Variants in GLB1 observed in about 807,000 individuals in gnomAD.
GLB1 encodes beta-galactosidase.
A neutral mutation model predicts 74.0 loss-of-function variants in GLB1; 56 were observed. The ratio of observed to expected loss-of-function variants is 0.76; its 90% CI spans 0.61 to 0.94. GLB1 has a LOEUF of 0.94. GLB1 is among the 40% of genes least tolerant of loss of function. The probability of loss-of-function intolerance (pLI) is 0.00; values close to 1 mark genes in which losing one functional copy is unlikely to be tolerated. For missense variants in GLB1, 787 were observed against 845.5 expected, an observed-to-expected ratio of 0.93 and a Z score of 0.86; for synonymous variants, 323 against 323.6, an observed-to-expected ratio of 1.00 and a Z score of 0.02.
intron 1 of GLB1, chr3:33,090,655 G>C: frequency 2.0e-6 from 2 of 985,396 alleles, no homozygotes; most frequent in Non-Finnish European, 2.4e-6. Context: ...TTGAACAAAG[G>C]GACTAAAGGT....
At chr3:33,057,301 T>C (rs1699260753) in intron 6 of GLB1, among the ~76,000 whole-genome samples, 1 of 152,356 alleles carries the variant, frequency 6.6e-6, no homozygotes, top group East Asian at 1.9e-4. Flanking sequence ...AGGCTTCCTA[T>C]ACAGCCTGTG....
the GLB1 span, among the ~76,000 whole-genome samples, chr3:32,984,315 G>A: frequency 0.027 from 4,076 of 152,036 alleles, 164 homozygotes; most frequent in African/African-American, 0.091. Context: ...GCTCAGGGGG[G>A]AATTCAAGGG....
chr3:33,069,963 T>TCCACCCTCCACCCA, intron 2 of GLB1, among the ~76,000 whole-genome samples: 1 of 134,606 alleles, frequency 7.4e-6, no homozygotes, highest in East Asian at 2.9e-4. Flanking sequence ...CCTCCCACCC[T>TCCACCCTCCACCCA]CCACCCTCAA....
intron 10 of GLB1, among the ~76,000 whole-genome samples, chr3:33,031,806 T>C (rs1026251057): frequency 1.3e-5 from 2 of 151,504 alleles, no homozygotes; most frequent in African/African-American, 4.9e-5. Flanking sequence ...TTTGTTTTGT[T>C]TTGTTTTTGA....
intron 10 of GLB1, chr3:33,030,451 T>C (rs1417568754): frequency 5.2e-6 from 5 of 962,892 alleles, no homozygotes; most frequent in Non-Finnish European, 6.2e-6. Context: ...CTAAGTAATA[T>C]TGCCTTTCTC....
intron 13 of GLB1, 150 bp downstream of exon 13, chr3:33,018,298 A>G: frequency 4.6e-5 from 3 of 65,530 alleles, no homozygotes; most frequent in Non-Finnish European, 1.3e-4. Flanking sequence ...AAAAAAAAAA[A>G]AAAAAAAAAA....
chr3:33,077,036 G>A (rs1700134195), intron 1 of GLB1: 1 of 1,280,836 alleles, frequency 7.8e-7, no homozygotes, highest in Non-Finnish European at 1.0e-6. Flanking sequence ...CCAGTCTGGG[G>A]AACATGGCGA....
At position 33,004,686 on chromosome 3, in the gene GLB1, G is replaced by A. The variant is rs2125451363; in HGVS notation, c.1735-7342C>T. Among the ~76,000 whole-genome samples the A allele has an allele frequency of 1.3e-5, 2 of 152,296 alleles. 1 individual carries two copies. The highest frequency in any genetic ancestry group is 6.8e-3 in the Middle Eastern group (2 of 294). On this transcript the variant is annotated intron_variant, in intron 15 of 15. Coordinates refer to ENST00000307363, the MANE Select transcript of GLB1 (RefSeq NM_000404.4). ...GCCAGCACATGGTAAGCTCTCAGAT[G>A]TGGCTGGTACTATTACTATTTCCTG...
chr3:33,091,964 C>G (rs555734051), intron 1 of GLB1: 1 of 984,472 alleles, frequency 1.0e-6, no homozygotes. Flanking sequence ...CCCCAAATCT[C>G]CTACATATCT....
the GLB1 span, among the ~76,000 whole-genome samples, chr3:32,982,634 C>T: frequency 6.6e-6 from 1 of 152,074 alleles, no homozygotes; most frequent in Non-Finnish European, 1.5e-5. Flanking sequence ...GTAATTAAAT[C>T]TTATGAGGTC....
intron 1 of GLB1, among the ~76,000 whole-genome samples, chr3:33,074,691 C>T (rs896345601): frequency 6.6e-6 from 1 of 152,076 alleles, no homozygotes; most frequent in Non-Finnish European, 1.5e-5. Context: ...CCAAGAGAAC[C>T]AGGGTTTTAA....
chr3:33,034,153 C>T (rs759858849), intron 10 of GLB1: 36 of 627,644 alleles, frequency 5.7e-5, no homozygotes, highest in African/African-American at 1.1e-4. Context: ...AGAAGACCCA[C>T]GACCCCTCAG....
intron 1 of GLB1, chr3:33,092,424 C>T (rs777861521): frequency 1.5e-4 from 151 of 998,536 alleles, no homozygotes; most frequent in Non-Finnish European, 1.7e-4. Context: ...CACTTAAGTC[C>T]TAAAGACAAT....
intron 10 of GLB1, among the ~76,000 whole-genome samples, chr3:33,028,316 G>T (rs964429310): frequency 6.6e-6 from 1 of 152,118 alleles, no homozygotes; most frequent in African/African-American, 2.4e-5. Flanking sequence ...GTACAGCCCA[G>T]AAGATAAAGA....
chr3:33,090,210 A>T (rs762649567), intron 1 of GLB1, among the ~76,000 whole-genome samples: 16 of 152,232 alleles, frequency 1.1e-4, no homozygotes, highest in Non-Finnish European at 2.1e-4. Flanking sequence ...AAGGATTCAT[A>T]CTGAAGTAAT....
intron 10 of GLB1, among the ~76,000 whole-genome samples, chr3:33,044,425 C>T (rs1221126520): frequency 6.6e-6 from 1 of 151,500 alleles, no homozygotes; most frequent in African/African-American, 2.4e-5. Flanking sequence ...AATTTATAAC[C>T]TTAAATATTT....
At chr3:32,972,511 G>A in the GLB1 span, among the ~76,000 whole-genome samples, 3 of 152,068 alleles carry the variant, frequency 2.0e-5, no homozygotes, top group Non-Finnish European at 4.4e-5. Context: ...CCTCATTAGT[G>A]GGTTCTTGCT....
At chr3:33,031,459 C>T (rs892138202) in intron 10 of GLB1, among the ~76,000 whole-genome samples, 20 of 151,206 alleles carry the variant, frequency 1.3e-4, no homozygotes, top group Admixed American at 7.9e-4. Context: ...GCCTGGCCAA[C>T]ATGGCGAAAC....
chr3:33,026,983 G>A (rs1697791013), intron 10 of GLB1, among the ~76,000 whole-genome samples: 2 of 152,230 alleles, frequency 1.3e-5, no homozygotes, highest in Non-Finnish European at 2.9e-5. Flanking sequence ...CCGCTGAATG[G>A]TGAGGCTAAA....
Sources: gnomAD v4.1 joint callset for allele counts (sites outside exome capture counted in the v4.1 genomes callset) on GRCh38, gnomAD v4.1.1 for gene constraint, MANE v1.5 for transcripts, NCBI Gene and HGNC (gene_info 2026-07-23, HGNC 2026-07-21) for gene names.